Variants in NRXN3 observed in about 807,000 individuals in gnomAD.
NRXN3 encodes neurexin 3, also known as neurexin III.
NRXN3 carries 32 observed loss-of-function variants against 137.6 expected under a neutral mutation model. The observed-to-expected ratio is 0.23, with a 90% CI of 0.18 to 0.31. The LOEUF (loss-of-function observed/expected upper bound fraction) is 0.31, where lower values mean the gene tolerates loss of function less well. NRXN3 is among the 10% of genes least tolerant of loss of function. The pLI is 1.00. For missense variants in NRXN3, 1,574 were observed against 2,062.5 expected (o/e 0.76, Z 4.59); for synonymous variants, 798 against 784.5 (o/e 1.02, Z -0.29).
intron 4 of NRXN3, among the ~76,000 whole-genome samples, chr14:78,575,034 T>G (rs1482291544): frequency 6.6e-6 from 1 of 152,174 alleles, no homozygotes; most frequent in Non-Finnish European, 1.5e-5. Flanking sequence ...GTTTTCATGA[T>G]AGTGAGTGAG....
Position 78,981,035 on chromosome 14 carries a change from TAAACA to T in NRXN3, c.3143-6984_3143-6980del, listed in dbSNP as rs745962872. Reference sequence around the variant, plus strand: ...AAAAAAGACTTCATAAATATGTAATTAAACAAATTTGTGCTGTCTTAGAATGTCTG... The same window carrying T: ...AAAAAAGACTTCATAAATATGTAATTAATTTGTGCTGTCTTAGAATGTCTG... On this transcript the variant is annotated intron_variant, in intron 14 of 20. Transcript: ENST00000335750. Among the ~76,000 whole-genome samples, 34 of 152,278 alleles carry T rather than the reference TAAACA, an allele frequency of 2.2e-4. No homozygotes were observed. The East Asian group carries it at 2.7e-3, about 12-fold the overall frequency.
At chr14:79,830,354 C>T (rs2099319245) in intron 20 of NRXN3, among the ~76,000 whole-genome samples, 1 of 152,168 alleles carries the variant, frequency 6.6e-6, no homozygotes, top group South Asian at 2.1e-4. Context: ...GTGGACTTGA[C>T]TCTGGATAGT....
intron 10 of NRXN3, among the ~76,000 whole-genome samples, chr14:78,826,759 C>T (rs1457665718): frequency 6.6e-6 from 1 of 152,256 alleles, no homozygotes; most frequent in Non-Finnish European, 1.5e-5. Flanking sequence ...TTTTGGTATA[C>T]TTTTAATACT....
intron 2 of NRXN3, among the ~76,000 whole-genome samples, chr14:78,247,887 A>G (rs530862341): frequency 6.6e-6 from 1 of 152,298 alleles, no homozygotes; most frequent in African/African-American, 2.4e-5. Context: ...ATTTGGTGCT[A>G]AGGTGTATAA....
At chr14:79,539,236 G>A (rs113854839) in intron 16 of NRXN3, among the ~76,000 whole-genome samples, 9 of 152,080 alleles carry the variant, frequency 5.9e-5, no homozygotes, top group South Asian at 4.2e-4. Context: ...GTTTCACCAC[G>A]TTGGCCAGGT....
chr14:78,894,877 C>T (rs552081366), intron 10 of NRXN3, among the ~76,000 whole-genome samples: 1 of 147,232 alleles, frequency 6.8e-6, no homozygotes, highest in African/African-American at 2.5e-5. Flanking sequence ...TGAATAGTAA[C>T]ATTTTGAAAA....
chr14:79,744,875 A>G (rs1195625831), intron 19 of NRXN3, among the ~76,000 whole-genome samples: 1 of 152,148 alleles, frequency 6.6e-6, no homozygotes, highest in East Asian at 1.9e-4. Context: ...GTCCTGAAGT[A>G]TCCGGAGCAG....
At chr14:79,075,917 A>G (rs959854309) in intron 15 of NRXN3, among the ~76,000 whole-genome samples, 4 of 152,186 alleles carry the variant, frequency 2.6e-5, no homozygotes, top group East Asian at 1.9e-4. Flanking sequence ...CGTTTGCCCA[A>G]TTAAGCCATA....
intron 16 of NRXN3, among the ~76,000 whole-genome samples, chr14:79,540,477 A>G (rs1418658825): frequency 6.6e-6 from 1 of 152,092 alleles, no homozygotes; most frequent in Non-Finnish European, 1.5e-5. Flanking sequence ...ACAATACAAT[A>G]TTTTTATCCC....
In NRXN3 at chr14:78,481,390, T is replaced by C. The variant is rs575622123; in HGVS notation, c.758-163730T>C. On this transcript the variant is annotated intron_variant, in intron 4 of 20. Transcript: ENST00000335750. ...TTCATGTTTCGGATTTCCTTCTACC[T>C]GCGAAAATATTAGCTTTCACTCAAG... 2.6e-5 allele frequency among the ~76,000 whole-genome samples: 4 copies of C among 152,302 alleles called. No homozygotes were observed. In the South Asian group the frequency reaches 8.3e-4, roughly 32 times the overall value.
intron 3 of NRXN3, among the ~76,000 whole-genome samples, chr14:78,280,848 C>G (rs1292454393): frequency 1.3e-5 from 2 of 152,156 alleles, no homozygotes; most frequent in Non-Finnish European, 2.9e-5. Flanking sequence ...ACCAGCCTGG[C>G]CCACACCATT....
chr14:78,519,003 C>A (rs1324174267), intron 4 of NRXN3, among the ~76,000 whole-genome samples: 5 of 152,132 alleles, frequency 3.3e-5, no homozygotes, highest in Admixed American at 3.3e-4. Flanking sequence ...GTCAACTGGC[C>A]TCTAGCCTAT....
intron 20 of NRXN3, among the ~76,000 whole-genome samples, chr14:79,841,232 G>A (rs2099355158): frequency 6.6e-6 from 1 of 152,074 alleles, no homozygotes; most frequent in Non-Finnish European, 1.5e-5. Flanking sequence ...TGGTGGTATT[G>A]ATTTTATGAA....
chr14:79,336,507 CT>C (rs1449583187), intron 15 of NRXN3, among the ~76,000 whole-genome samples: 2 of 152,174 alleles, frequency 1.3e-5, no homozygotes, highest in Non-Finnish European at 1.5e-5. Context: ...TTGTAAATGA[CT>C]TTGCTCTTTT....
chr14:78,482,267 G>A (rs560040780), intron 4 of NRXN3, among the ~76,000 whole-genome samples: 8 of 152,158 alleles, frequency 5.3e-5, no homozygotes, highest in East Asian at 1.9e-4. Flanking sequence ...CTGTATATGC[G>A]TTGTCTAAGT....
At chr14:78,195,433 T>C (rs544906931) in intron 1 of NRXN3, among the ~76,000 whole-genome samples, 57 of 152,328 alleles carry the variant, frequency 3.7e-4, no homozygotes, top group African/African-American at 1.4e-3. Context: ...TCTGCTTTCA[T>C]AGAGCCATGA....
intron 4 of NRXN3, among the ~76,000 whole-genome samples, chr14:78,304,061 C>T (rs2077125605): frequency 1.3e-5 from 2 of 152,164 alleles, no homozygotes; most frequent in South Asian, 4.1e-4. Flanking sequence ...ATTTTCAACA[C>T]TGATGTTAGT....
chr14:79,630,622 T>C (rs968428922), intron 16 of NRXN3, among the ~76,000 whole-genome samples: 3 of 152,180 alleles, frequency 2.0e-5, no homozygotes, highest in African/African-American at 7.2e-5. Context: ...TTTAGCCAGG[T>C]AGGGCTAAGG....
chr14:79,055,263 T>C (rs1270850227), intron 15 of NRXN3, among the ~76,000 whole-genome samples: 1 of 152,222 alleles, frequency 6.6e-6, no homozygotes, highest in South Asian at 2.1e-4. Context: ...TACTCCATTA[T>C]AGCAGTTGTT....
Sources: gnomAD v4.1 joint callset for allele counts (sites outside exome capture counted in the v4.1 genomes callset) on GRCh38, gnomAD v4.1.1 for gene constraint, MANE v1.5 for transcripts, NCBI Gene and HGNC (gene_info 2026-07-23, HGNC 2026-07-21) for gene names.